Variants in NECAB1 observed in about 807,000 individuals in gnomAD.
NECAB1 encodes the protein N-terminal EF-hand calcium binding protein 1.
A neutral mutation model predicts 57.5 loss-of-function variants in NECAB1; 29 were observed. That is an observed-to-expected ratio of 0.50 (90% CI 0.38 to 0.69). The LOEUF (loss-of-function observed/expected upper bound fraction) is 0.69. Ranked by LOEUF, NECAB1 falls within the 30% of genes least tolerant of loss-of-function variation. The probability of loss-of-function intolerance (pLI) is 0.00; values close to 1 mark genes in which losing one functional copy is unlikely to be tolerated. For missense variants in NECAB1, 372 were observed against 413.8 expected (o/e 0.90, Z 0.88); for synonymous variants, 142 against 147.7 (o/e 0.96, Z 0.28).
At chr8:90,917,435 A>G in intron 5 of NECAB1, 57 bp from the exon 6 acceptor site, 1 of 1,505,256 alleles carries the variant, frequency 6.6e-7, no homozygotes, top group Admixed American at 2.2e-5. Flanking sequence ...AAAAAAAAAA[A>G]ATCCTGGGTA....
intron 3 of NECAB1, among the ~76,000 whole-genome samples, chr8:90,851,796 A>G (rs1382442695): frequency 6.6e-6 from 1 of 152,062 alleles, no homozygotes; most frequent in East Asian, 1.9e-4. Flanking sequence ...CCCAAATCCA[A>G]AGTTTACATT....
chr8:90,796,048 T>C (rs1811656601), intron 1 of NECAB1, among the ~76,000 whole-genome samples: 1 of 152,152 alleles, frequency 6.6e-6, no homozygotes, highest in Non-Finnish European at 1.5e-5. Context: ...CATTAAAAAT[T>C]GTTTTCCCAC....
chr8:90,864,880 C>G (rs534652731), intron 3 of NECAB1, among the ~76,000 whole-genome samples: 1 of 152,062 alleles, frequency 6.6e-6, no homozygotes, highest in Non-Finnish European at 1.5e-5. Context: ...AGTATTCTAA[C>G]GGCCCCACTT....
rs1444143169 is a variant in NECAB1 at position 90,939,092 on chromosome 8, ATTTG to A, written c.748-1690_748-1687del. Reference sequence around the variant, plus strand: ...GTTTTATTGTAACACAGCCACACTCATTTGTTTATGTGTGGGCTGTGGCTGCTTT... The same window carrying A: ...GTTTTATTGTAACACAGCCACACTCATTTATGTGTGGGCTGTGGCTGCTTT... On this transcript the variant is annotated intron_variant, in intron 9 of 12. Transcript: ENST00000417640. 3.3e-5 allele frequency among the ~76,000 whole-genome samples: 5 copies of A among 152,190 alleles called. No individual in the cohort carries two copies. The East Asian group carries it at 7.7e-4, about 23-fold the overall frequency.
At chr8:90,814,544 C>G (rs1812025916) in intron 2 of NECAB1, among the ~76,000 whole-genome samples, 1 of 152,092 alleles carries the variant, frequency 6.6e-6, no homozygotes, top group Non-Finnish European at 1.5e-5. Context: ...ATTTATTTAA[C>G]ATTTATTCAC....
intron 6 of NECAB1, among the ~76,000 whole-genome samples, chr8:90,919,949 AC>A (rs576283142): frequency 1.2e-4 from 18 of 152,306 alleles, no homozygotes; most frequent in Non-Finnish European, 2.5e-4. Context: ...TGTTTAATGA[AC>A]AACTGTTTTC....
At chr8:90,871,099 A>C (rs7014480) in intron 3 of NECAB1, among the ~76,000 whole-genome samples, 74,938 of 151,956 alleles carry the variant, frequency 0.49, 23,226 homozygotes, top group African/African-American at 0.86. Flanking sequence ...CTGGCTACTA[A>C]TTAAAGGACA....
intron 4 of NECAB1, among the ~76,000 whole-genome samples, chr8:90,875,882 C>T (rs1211680556): frequency 4.1e-5 from 6 of 144,890 alleles, no homozygotes; most frequent in Non-Finnish European, 7.4e-5. Flanking sequence ...TGGTGGCAGG[C>T]GCCTGTAGTC....
At chr8:90,864,799 T>C (rs1199601218) in intron 3 of NECAB1, among the ~76,000 whole-genome samples, 1 of 152,284 alleles carries the variant, frequency 6.6e-6, no homozygotes, top group South Asian at 2.1e-4. Flanking sequence ...GGCGCATGGC[T>C]TATGTCATCT....
chr8:90,908,403 G>A (rs73298024), intron 5 of NECAB1, among the ~76,000 whole-genome samples: 4 of 152,102 alleles, frequency 2.6e-5, no homozygotes, highest in African/African-American at 7.2e-5. Context: ...ACTTAAAAAC[G>A]TAACATTTGG....
chr8:90,806,182 A>T (rs1811843715), intron 2 of NECAB1, among the ~76,000 whole-genome samples: 1 of 152,204 alleles, frequency 6.6e-6, no homozygotes, highest in Non-Finnish European at 1.5e-5. Flanking sequence ...ATCAGTAAGT[A>T]GGAAGGCTAT....
rs766990025 is a variant in NECAB1, at chr8:90,949,851, A to G, written c.905A>G (p.Tyr302Cys). ...KLSNESRYMIYEFWENSSVWN... is the reference protein window; with the variant it reads ...KLSNESRYMICEFWENSSVWN... ...TCAAATGAATCTCGCTACATGATCT[A>G]TGAGTTCTGGGAGAATAGTAGTGTA... Residue 302 changes from tyrosine to cysteine, a missense_variant, in exon 11 of 13, where the codon TAT becomes TGT. Tyr to Cys is a radical substitution (Grantham distance 194). Coordinates refer to ENST00000417640, the MANE Select transcript of NECAB1 (RefSeq NM_022351.5). 6.2e-6 allele frequency: 10 copies of G among 1,610,014 alleles called. No individual in the cohort carries two copies. The highest frequency in any genetic ancestry group is 5.5e-5 in the South Asian group (5 of 90,478).
At chr8:90,899,700 C>CAGT (rs572354406) in intron 5 of NECAB1, among the ~76,000 whole-genome samples, 188 of 152,252 alleles carry the variant, frequency 1.2e-3, no homozygotes, top group African/African-American at 4.4e-3. Flanking sequence ...TGATATTGTA[C>CAGT]AGTACATTTG....
chr8:90,927,204 C>CTTTTTTTT (rs545020130), intron 7 of NECAB1, among the ~76,000 whole-genome samples: 1 of 131,110 alleles, frequency 7.6e-6, no homozygotes, highest in African/African-American at 3.0e-5. Flanking sequence ...TTTTCTCTCT[C>CTTTTTTTT]TTTTTTTTTT....
At chr8:90,835,720 G>C (rs1015715725) in intron 3 of NECAB1, among the ~76,000 whole-genome samples, 3 of 151,924 alleles carry the variant, frequency 2.0e-5, no homozygotes, top group African/African-American at 7.3e-5. Flanking sequence ...TGTTAATCTT[G>C]TCTCCAAATA....
chr8:90,860,580 T>C (rs1233632043), intron 3 of NECAB1, among the ~76,000 whole-genome samples: 1 of 152,182 alleles, frequency 6.6e-6, no homozygotes, highest in Non-Finnish European at 1.5e-5. Context: ...AAGCTAGTTT[T>C]TCTGCGTAAG....
intron 9 of NECAB1, among the ~76,000 whole-genome samples, chr8:90,938,619 A>G (rs1810597115): frequency 6.6e-6 from 1 of 152,182 alleles, no homozygotes; most frequent in Non-Finnish European, 1.5e-5. Context: ...CATCAAACTT[A>G]GGCAGATTAT....
At chr8:90,883,676 A>G (rs1227993768) in intron 5 of NECAB1, among the ~76,000 whole-genome samples, 1 of 152,114 alleles carries the variant, frequency 6.6e-6, no homozygotes, top group East Asian at 1.9e-4. Context: ...GCCTTTTGTC[A>G]TATCCTCAAG....
At chr8:90,811,001 G>A (rs908617974) in intron 2 of NECAB1, among the ~76,000 whole-genome samples, 2 of 150,636 alleles carry the variant, frequency 1.3e-5, no homozygotes, top group South Asian at 2.1e-4. Flanking sequence ...AGGCTGGAGC[G>A]CAGTGGTGCA....
Sources: allele counts gnomAD v4.1 joint callset (sites outside exome capture counted in the v4.1 genomes callset), GRCh38; gene constraint gnomAD v4.1.1; transcripts MANE v1.5; gene names NCBI Gene and HGNC (gene_info 2026-07-23, HGNC 2026-07-21).